The following NR5A2 variants were observed in gnomAD, a reference collection of about 807,000 sequenced individuals.
NR5A2 encodes the protein nuclear receptor subfamily 5 group A member 2.
Under a neutral mutation model 62.7 loss-of-function variants are expected in NR5A2, and 26 were observed. That is an observed-to-expected ratio of 0.41 (90% CI 0.30 to 0.58). NR5A2 has a LOEUF of 0.58. Ranked by LOEUF, NR5A2 falls within the 20% of genes least tolerant of loss-of-function variation. The pLI is 0.22. For synonymous variants in NR5A2, 246 were observed against 241.7 expected, an observed-to-expected ratio of 1.02 and a Z score of -0.16; for missense variants, 541 against 669.1, an observed-to-expected ratio of 0.81 and a Z score of 2.11.
At chr1:200,108,838 G>C (rs1342940597) in intron 5 of NR5A2, among the ~76,000 whole-genome samples, 1 of 152,184 alleles carries the variant, frequency 6.6e-6, no homozygotes, top group Non-Finnish European at 1.5e-5. Context: ...TCAGTTCCTG[G>C]AATCTGCTGT....
chr1:200,076,488 A>G (rs1341604358), intron 5 of NR5A2, among the ~76,000 whole-genome samples: 1 of 148,872 alleles, frequency 6.7e-6, no homozygotes, highest in Non-Finnish European at 1.5e-5. Context: ...GGCTAACCGT[A>G]TCTTATTTGT....
intron 7 of NR5A2, among the ~76,000 whole-genome samples, chr1:200,138,736 G>A (rs1263235967): frequency 1.3e-5 from 2 of 151,912 alleles, no homozygotes; most frequent in East Asian, 3.9e-4. Flanking sequence ...TATATGTGTG[G>A]GTCTCTTTCT....
chr1:200,103,861 C>A lies in NR5A2; in HGVS notation c.1111-7341C>A, dbSNP rs535295385. Among the ~76,000 whole-genome samples the A allele has an allele frequency of 1.1e-4, 16 of 152,182 alleles. No homozygotes were observed. The South Asian group carries it at 3.3e-3, about 32-fold the overall frequency. On this transcript the variant is annotated intron_variant, in intron 5 of 7. Transcript: ENST00000367362. ...TGATTGTCCAAAGGAACAGTGTGAC[C>A]AAAACAGATAGTTGTAGTAACTGTA...
chr1:200,056,669 A>AT (rs1662929141), intron 5 of NR5A2, among the ~76,000 whole-genome samples: 1 of 152,180 alleles, frequency 6.6e-6, no homozygotes, highest in Non-Finnish European at 1.5e-5. Flanking sequence ...AATAGTTTCC[A>AT]TGGAAACATA....
At chr1:200,098,838 T>C (rs1461502431) in intron 5 of NR5A2, among the ~76,000 whole-genome samples, 2 of 152,210 alleles carry the variant, frequency 1.3e-5, no homozygotes, top group East Asian at 3.9e-4. Flanking sequence ...GACCTATTAC[T>C]CTTAGCATGC....
At chr1:200,128,547 AT>A (rs1214818700) in intron 7 of NR5A2, among the ~76,000 whole-genome samples, 1 of 152,216 alleles carries the variant, frequency 6.6e-6, no homozygotes, top group African/African-American at 2.4e-5. Context: ...TTTAGGATGT[AT>A]TTTAACTGCT....
intron 7 of NR5A2, among the ~76,000 whole-genome samples, chr1:200,150,255 T>C (rs1477827301): frequency 6.6e-6 from 1 of 152,232 alleles, no homozygotes; most frequent in African/African-American, 2.4e-5. Context: ...TGGTAGACAT[T>C]TAGTGGAGGA....
At chr1:200,083,967 AAAT>A (rs149200240) in intron 5 of NR5A2, among the ~76,000 whole-genome samples, 39,617 of 142,514 alleles carry the variant, frequency 0.28, 5,569 homozygotes, top group East Asian at 0.44. Context: ...CTCCATCTCA[AAAT>A]AATAATAATA....
At chr1:200,059,360 C>T (rs939377074) in intron 5 of NR5A2, among the ~76,000 whole-genome samples, 11 of 152,310 alleles carry the variant, frequency 7.2e-5, no homozygotes, top group South Asian at 2.1e-4. Context: ...TCCCAGTGCT[C>T]GGCACTGGTT....
rs1238658351 is a variant in NR5A2, at chr1:200,048,331, C to T, written c.623C>T (p.Thr208Ile). ...ATCCAAGCTATGCCCTCTGACCTGA[C>T]CATTTCCTCTGCAATTCAAAACATC... Reference protein sequence around the residue: ...QVIQAMPSDLTISSAIQNIHS... With the variant: ...QVIQAMPSDLIISSAIQNIHS... Residue 208 changes from threonine to isoleucine, a missense_variant, in exon 5 of 8, where the codon ACC becomes ATC. Physicochemically the swap from Thr to Ile is moderately conservative, Grantham distance 89. This residue lies in a region of NR5A2 where 379 missense variants were observed against 442.0 expected (regional missense o/e 0.86). Coordinates refer to ENST00000367362, the MANE Select transcript of NR5A2 (RefSeq NM_205860.3). The surrounding 1 kb of genome is among the most constrained non-coding windows in gnomAD (Gnocchi z 4.8). 19 of 1,614,064 alleles carry T rather than the reference C, an allele frequency of 1.2e-5. No individual in the cohort carries two copies. The East Asian group carries it at 4.2e-4, about 36-fold the overall frequency.
intron 5 of NR5A2, chr1:200,057,749 G>A (rs1031438812): frequency 4.1e-6 from 1 of 243,058 alleles, no homozygotes; most frequent in African/African-American, 2.4e-5. Context: ...CCAAAGTGCT[G>A]GGATTATGGG....
At chr1:200,121,539 G>A (rs901095011) in intron 7 of NR5A2, among the ~76,000 whole-genome samples, 22 of 152,146 alleles carry the variant, frequency 1.4e-4, no homozygotes, top group African/African-American at 5.3e-4. Context: ...AAGCAAGACA[G>A]ATTAGCTAAA....
At chr1:200,057,843 G>A (rs1048621210) in intron 5 of NR5A2, 1 of 155,378 alleles carries the variant, frequency 6.4e-6, no homozygotes. Context: ...TGTTGCCTGG[G>A]CTGGGGTGCA....
In NR5A2 at chr1:200,121,803, C is replaced by T. The variant is rs538573190; in HGVS notation, c.1378+848C>T. On this transcript the variant is annotated intron_variant, in intron 7 of 7. Transcript: ENST00000367362. ...AAAATGCAGAAATCAGATTCACCAA[C>T]ATATGTTTTTTCTTTAGTCTTCAGT... Among the ~76,000 whole-genome samples the T allele has an allele frequency of 1.5e-4, 23 of 152,312 alleles. 1 individual carries two copies. Among genetic ancestry groups the T allele is most frequent in the African/African-American group, 5.3e-4 (22 of 41,564 alleles).
At chr1:200,051,853 A>C (rs1364160676) in intron 5 of NR5A2, among the ~76,000 whole-genome samples, 1 of 152,198 alleles carries the variant, frequency 6.6e-6, no homozygotes, top group Non-Finnish European at 1.5e-5. Context: ...CAATTTTTTT[A>C]ATCATGACCC....
chr1:200,043,073 T>C, intron 2 of NR5A2: 1 of 890,292 alleles, frequency 1.1e-6, no homozygotes, highest in Non-Finnish European at 1.3e-6. Context: ...CTGGTATTTT[T>C]CCCCGTACGG....
chr1:200,166,006 T>G, intron 7 of NR5A2, among the ~76,000 whole-genome samples: 1 of 152,356 alleles, frequency 6.6e-6, no homozygotes, highest in African/African-American at 2.4e-5. Context: ...TTTCTGTGCC[T>G]AACAAATTCA....
At chr1:200,158,204 G>T (rs1041100321) in intron 7 of NR5A2, among the ~76,000 whole-genome samples, 3 of 152,156 alleles carry the variant, frequency 2.0e-5, no homozygotes, top group Non-Finnish European at 4.4e-5. Flanking sequence ...TGTTAACACA[G>T]TGGGGCACAA....
At chr1:200,077,005 T>G (rs530140983) in intron 5 of NR5A2, among the ~76,000 whole-genome samples, 2 of 152,362 alleles carry the variant, frequency 1.3e-5, no homozygotes, top group African/African-American at 4.8e-5. Context: ...TCATGTGACA[T>G]GTATACAAAC....
Sources: gnomAD v4.1 joint callset for allele counts (sites outside exome capture counted in the v4.1 genomes callset) on GRCh38, gnomAD v4.1.1 for gene constraint, gnomAD v4.1.1 regional missense constraint, Gnocchi (gnomAD v3.1) non-coding constraint, MANE v1.5 for transcripts, NCBI Gene and HGNC (gene_info 2026-07-23, HGNC 2026-07-21) for gene names.